The following SAE1 variants were observed in gnomAD, a reference collection of about 807,000 sequenced individuals.
SAE1 encodes the protein SUMO-activating enzyme subunit 1.
A neutral mutation model predicts 40.6 loss-of-function variants in SAE1; 11 were observed. The ratio of observed to expected loss-of-function variants is 0.27; its 90% CI spans 0.17 to 0.45. SAE1 has a LOEUF of 0.45. Among genes scored for constraint, SAE1 ranks in the 20% least tolerant of loss-of-function variants. SAE1 has a pLI of 1.00. For synonymous variants in SAE1, 155 were observed against 154.3 expected, an observed-to-expected ratio of 1.00 and a Z score of -0.03; for missense variants, 373 against 427.3, an observed-to-expected ratio of 0.87 and a Z score of 1.12.
chr19:47,131,959 C>T (rs2058146795), intron 1 of SAE1, among the ~76,000 whole-genome samples: 1 of 151,862 alleles, frequency 6.6e-6, no homozygotes, highest in African/African-American at 2.4e-5. Flanking sequence ...CCTCGGCCTC[C>T]TGAAGTGCTG....
chr19:47,166,817 T>C (rs2058395983), intron 5 of SAE1, among the ~76,000 whole-genome samples: 1 of 152,186 alleles, frequency 6.6e-6, no homozygotes, highest in Non-Finnish European at 1.5e-5. Flanking sequence ...TCATGACTTA[T>C]CTTTTGAGGT....
rs563971568 is a variant in SAE1, at chr19:47,132,189, C to T, written c.98+1161C>T. Among the ~76,000 whole-genome samples, 7 of 151,672 alleles carry T rather than the reference C, an allele frequency of 4.6e-5. No homozygotes were observed. The East Asian group carries it at 7.8e-4, about 17-fold the overall frequency. ...TGTTGGCCAGGCTGGTCTCAAACTCCGGACCTCAAGTGATCTGCCCGCCAC... is the reference window on the plus strand; with the variant it reads ...TGTTGGCCAGGCTGGTCTCAAACTCTGGACCTCAAGTGATCTGCCCGCCAC... On this transcript the variant is annotated intron_variant, in intron 1 of 8. Transcript: ENST00000270225.
intron 2 of SAE1, among the ~76,000 whole-genome samples, chr19:47,144,502 A>G (rs1459837014): frequency 6.6e-6 from 1 of 151,912 alleles, no homozygotes; most frequent in African/African-American, 2.4e-5. Flanking sequence ...GATCGAGACC[A>G]TCCTGGCTAG....
At position 47,167,274 on chromosome 19, in the gene SAE1, AT is replaced by A. The variant is rs762932610; in HGVS notation, c.628-2530del. Among the ~76,000 whole-genome samples, 870 of 116,980 alleles carry A rather than the reference AT, an allele frequency of 7.4e-3. 1 individual carries two copies. Among genetic ancestry groups the A allele is most frequent in the Middle Eastern group, 0.015 (2 of 132 alleles). 76.7% of individuals were successfully genotyped at this position (116,980 alleles called of 152,430 possible). ...CGGCCTGCGCCCAGATAATTTTTGT[AT>A]TTTTTTTTTTTTTGAGAGTCTCGCT... On this transcript the variant is annotated intron_variant, in intron 5 of 8. Coordinates refer to ENST00000270225, the MANE Select transcript of SAE1 (RefSeq NM_005500.3).
intron 3 of SAE1, 80 bp from the exon 4 acceptor site, chr19:47,152,818 C>A: frequency 7.3e-7 from 1 of 1,368,782 alleles, no homozygotes; most frequent in Non-Finnish European, 1.0e-6. Context: ...AGAGACTGTT[C>A]ATTAAGATTT....
At chr19:47,140,948 A>C (rs1005479170) in intron 1 of SAE1, among the ~76,000 whole-genome samples, 1 of 151,930 alleles carries the variant, frequency 6.6e-6, no homozygotes, top group Non-Finnish European at 1.5e-5. Flanking sequence ...TCTCAGGTTC[A>C]AGCGATTCTC....
intron 8 of SAE1, among the ~76,000 whole-genome samples, chr19:47,208,601 T>A (rs2058697527): frequency 6.6e-6 from 1 of 152,182 alleles, no homozygotes; most frequent in African/African-American, 2.4e-5. Flanking sequence ...AATTTCTGTA[T>A]TTTTAGTAGA....
In SAE1 at chr19:47,178,220, C is replaced by G. The variant is rs568286555; in HGVS notation, c.733+8297C>G. On this transcript the variant is annotated intron_variant, in intron 6 of 8. Transcript: ENST00000270225. ...GTCGCGCCACTGCACTCCAGCCTGA[C>G]GACAGGGCAAGACTCCATCTCCAAA... Among the ~76,000 whole-genome samples, 3 of 151,514 alleles carry G rather than the reference C, an allele frequency of 2.0e-5. No individual in the cohort carries two copies. The South Asian group carries it at 6.3e-4, about 32-fold the overall frequency.
At chr19:47,144,080 T>A (rs893950530) in intron 2 of SAE1, among the ~76,000 whole-genome samples, 5 of 152,160 alleles carry the variant, frequency 3.3e-5, no homozygotes, top group African/African-American at 4.8e-5. Context: ...ATGCCTGTAA[T>A]CCCAACACTT....
intron 6 of SAE1, among the ~76,000 whole-genome samples, chr19:47,175,771 T>A (rs534573979): frequency 6.6e-6 from 1 of 152,150 alleles, no homozygotes. Context: ...TAAACTAATA[T>A]ATCTCATTAA....
At chr19:47,188,747 T>C (rs914976834) in intron 6 of SAE1, among the ~76,000 whole-genome samples, 10 of 152,272 alleles carry the variant, frequency 6.6e-5, no homozygotes, top group African/African-American at 2.4e-4. Context: ...AGTGGAAGAA[T>C]AGGGAGTCTA....
chr19:47,194,953 C>T (rs1460439352), intron 6 of SAE1, among the ~76,000 whole-genome samples: 1 of 151,452 alleles, frequency 6.6e-6, no homozygotes, highest in Non-Finnish European at 1.5e-5. Context: ...CCATGTTGGC[C>T]AGGCTGGTCT....
intron 1 of SAE1, among the ~76,000 whole-genome samples, chr19:47,142,073 A>C (rs183700892): frequency 6.6e-6 from 1 of 152,054 alleles, no homozygotes; most frequent in Non-Finnish European, 1.5e-5. Context: ...ATCTTCTGTC[A>C]CTTTACAGAT....
Position 47,204,426 on chromosome 19 carries a change from C to G in SAE1, c.948+686C>G, listed in dbSNP as rs532101703. ...TGTTAGCCAGGATGGTCTGGATCTC[C>G]TGACATCGTGATCTGCCCACCTCAG... On this transcript the variant is annotated intron_variant, in intron 8 of 8. Coordinates refer to ENST00000270225, the MANE Select transcript of SAE1 (RefSeq NM_005500.3). Among the ~76,000 whole-genome samples the G allele has an allele frequency of 2.7e-5, 4 of 150,836 alleles. No homozygotes were observed. In the South Asian group the frequency reaches 6.3e-4, roughly 24 times the overall value.
At chr19:47,195,674 TCCCTTCCCCTTC>T (rs925946713) in intron 6 of SAE1, among the ~76,000 whole-genome samples, 3 of 151,474 alleles carry the variant, frequency 2.0e-5, no homozygotes, top group Non-Finnish European at 4.4e-5. Context: ...CCTTTCCCTT[TCCCTTCCCCTTC>T]CCCTTCGCTT....
chr19:47,208,722 A>G (rs1416467254), intron 8 of SAE1, among the ~76,000 whole-genome samples: 1 of 151,362 alleles, frequency 6.6e-6, no homozygotes, highest in Non-Finnish European at 1.5e-5. Context: ...ACTGCGCCCC[A>G]CCTATTTTAG....
At chr19:47,159,073 C>T (rs1437582950) in intron 5 of SAE1, among the ~76,000 whole-genome samples, 1 of 152,136 alleles carries the variant, frequency 6.6e-6, no homozygotes, top group Non-Finnish European at 1.5e-5. Context: ...AGTGGTTACT[C>T]TGTAATAGCT....
intron 2 of SAE1, among the ~76,000 whole-genome samples, chr19:47,145,560 T>C (rs188237067): frequency 1.3e-4 from 20 of 152,266 alleles, no homozygotes; most frequent in Middle Eastern, 6.8e-3. Flanking sequence ...TACATTCCCA[T>C]GCCTCAGTGA....
chr19:47,131,155 T>C, intron 1 of SAE1, 127 bp downstream of exon 1: 6 of 1,426,514 alleles, frequency 4.2e-6, no homozygotes, highest in Non-Finnish European at 5.5e-6. Context: ...TGCTCTGGGA[T>C]CGTCTCTCTC....
Sources: allele counts gnomAD v4.1 joint callset (sites outside exome capture counted in the v4.1 genomes callset), GRCh38; gene constraint gnomAD v4.1.1; transcripts MANE v1.5; gene names NCBI Gene and HGNC (gene_info 2026-07-23, HGNC 2026-07-21).